Variants in CTNNA3 observed in about 807,000 individuals in gnomAD.
The protein encoded by CTNNA3 is catenin alpha-3.
In CTNNA3, 76 loss-of-function variants were observed where a neutral mutation model predicts 95.7. The observed-to-expected ratio is 0.79, with a 90% CI of 0.66 to 0.96. The LOEUF is 0.96. Among genes scored for constraint, CTNNA3 ranks in the 40% least tolerant of loss-of-function variants. CTNNA3 has a pLI of 0.00. For synonymous variants in CTNNA3, 431 were observed against 374.4 expected (o/e 1.15, Z -1.74); for missense variants, 1,191 against 1,089.8 (o/e 1.09, Z -1.31).
chr10:66,112,083 G>A (rs12356797), intron 13 of CTNNA3, among the ~76,000 whole-genome samples: 22,858 of 152,100 alleles, frequency 0.15, 2,151 homozygotes, highest in Middle Eastern at 0.22. Flanking sequence ...GTGAAGATTC[G>A]GTAAATCTGT....
At chr10:65,991,461 T>C (rs1463521881) in intron 15 of CTNNA3, among the ~76,000 whole-genome samples, 2 of 152,052 alleles carry the variant, frequency 1.3e-5, no homozygotes, top group African/African-American at 2.4e-5. Flanking sequence ...ATAGTTTTGT[T>C]TGTAGAGGTT....
At chr10:66,045,118 C>G (rs534641858) in intron 15 of CTNNA3, among the ~76,000 whole-genome samples, 3 of 152,170 alleles carry the variant, frequency 2.0e-5, no homozygotes, top group Non-Finnish European at 4.4e-5. Flanking sequence ...CAGAGATAAT[C>G]TGATGGGAGG....
intron 9 of CTNNA3, among the ~76,000 whole-genome samples, chr10:66,700,589 T>C (rs1045099425): frequency 4.6e-5 from 7 of 152,204 alleles, no homozygotes; most frequent in Admixed American, 2.0e-4. Flanking sequence ...TATTTTTCTT[T>C]CTCAAGATTG....
chr10:67,639,763 T>C (rs1157717100), intron 2 of CTNNA3, among the ~76,000 whole-genome samples: 1 of 152,128 alleles, frequency 6.6e-6, no homozygotes, highest in Non-Finnish European at 1.5e-5. Flanking sequence ...AACCACATGA[T>C]TATCTCAATA....
rs80188359 is a variant in CTNNA3 at position 67,581,909 on chromosome 10, C to A, written c.292+24948G>T. Among the ~76,000 whole-genome samples the A allele has an allele frequency of 5.9e-3, 891 of 152,090 alleles. 6 individuals are homozygous for A. The highest frequency in any genetic ancestry group is 0.021 in the African/African-American group (854 of 41,484). ...TTCTGTGGTATCAATGATGATATCCCCTTTATCATTTTTTATGCATCTATT... is the reference window on the plus strand; with the variant it reads ...TTCTGTGGTATCAATGATGATATCCACTTTATCATTTTTTATGCATCTATT... On this transcript the variant is annotated intron_variant, in intron 3 of 17. Transcript: ENST00000433211.
chr10:65,970,944 A>T (rs2078085000), intron 16 of CTNNA3, among the ~76,000 whole-genome samples: 1 of 151,334 alleles, frequency 6.6e-6, no homozygotes, highest in Non-Finnish European at 1.5e-5. Flanking sequence ...TCAACAACTC[A>T]CTAAAAGTGT....
At chr10:66,634,837 C>T (rs764425738) in intron 9 of CTNNA3, among the ~76,000 whole-genome samples, 5 of 152,016 alleles carry the variant, frequency 3.3e-5, no homozygotes, top group Non-Finnish European at 5.9e-5. Context: ...TCAGAATGTG[C>T]CATCACAAAA....
chr10:66,699,942 C>T (rs1286958311), intron 9 of CTNNA3, among the ~76,000 whole-genome samples: 15 of 152,074 alleles, frequency 9.9e-5, no homozygotes, highest in Admixed American at 9.8e-4. Flanking sequence ...CAGGTGTGAG[C>T]CACCACAGCT....
At chr10:67,628,185 C>A (rs1256600015) in intron 2 of CTNNA3, among the ~76,000 whole-genome samples, 3 of 146,656 alleles carry the variant, frequency 2.0e-5, no homozygotes, top group African/African-American at 7.5e-5. Flanking sequence ...CTCCTTTGAA[C>A]AAGATTTTCA....
chr10:66,901,836 A>T (rs1845760074), intron 7 of CTNNA3, among the ~76,000 whole-genome samples: 1 of 152,236 alleles, frequency 6.6e-6, no homozygotes, highest in Non-Finnish European at 1.5e-5. Flanking sequence ...AACTATGCTA[A>T]ATATGTATGC....
At chr10:67,724,505 C>T (rs1841197801) in intron 1 of CTNNA3, among the ~76,000 whole-genome samples, 1 of 152,098 alleles carries the variant, frequency 6.6e-6, no homozygotes, top group African/African-American at 2.4e-5. Flanking sequence ...CGGGTTTCCC[C>T]ACCCCAAGTG....
intron 12 of CTNNA3, among the ~76,000 whole-genome samples, chr10:66,315,278 A>G (rs546319007): frequency 1.6e-4 from 24 of 152,008 alleles, no homozygotes; most frequent in Non-Finnish European, 2.4e-4. Flanking sequence ...TCCTGGCCCC[A>G]CTTCATTATT....
intron 3 of CTNNA3, among the ~76,000 whole-genome samples, chr10:67,603,550 T>C (rs1057508679): frequency 1.3e-5 from 2 of 151,878 alleles, no homozygotes; most frequent in African/African-American, 4.8e-5. Context: ...TGTGTAGGCC[T>C]AGGCTAATGT....
chr10:67,695,708 A>G (rs1296787686), intron 1 of CTNNA3, among the ~76,000 whole-genome samples: 1 of 152,182 alleles, frequency 6.6e-6, no homozygotes, highest in Non-Finnish European at 1.5e-5. Flanking sequence ...CCTGCACAGT[A>G]TCCAATCGGC....
chr10:67,447,061 C>T (rs527823157), intron 5 of CTNNA3, among the ~76,000 whole-genome samples: 12 of 152,198 alleles, frequency 7.9e-5, no homozygotes, highest in East Asian at 5.8e-4. Flanking sequence ...GCTGAGACCG[C>T]GCCACTGCAC....
chr10:67,107,368 C>A (rs74233478), intron 7 of CTNNA3, among the ~76,000 whole-genome samples: 1 of 152,148 alleles, frequency 6.6e-6, no homozygotes, highest in Non-Finnish European at 1.5e-5. Context: ...GAATATTAAT[C>A]CTTTGTTTAA....
rs181842582 is a variant in CTNNA3 at position 67,116,564 on chromosome 10, G to T, written c.1047+63753C>A. Among the ~76,000 whole-genome samples, 392 of 151,606 alleles carry T rather than the reference G, an allele frequency of 2.6e-3. 2 individuals carry two copies. The highest frequency in any genetic ancestry group is 8.6e-3 in the African/African-American group (358 of 41,420). ...AAATAGCTCAGATATCTGTGAGGGA[G>T]TTTGGTTGAATTTGAGAGTCTGAGA... On this transcript the variant is annotated intron_variant, in intron 7 of 17. Coordinates refer to ENST00000433211, the MANE Select transcript of CTNNA3 (RefSeq NM_013266.4).
intron 7 of CTNNA3, among the ~76,000 whole-genome samples, chr10:66,867,908 AATTAAC>A (rs1249668323): frequency 6.6e-6 from 1 of 150,612 alleles, no homozygotes; most frequent in African/African-American, 2.5e-5. Flanking sequence ...AAAAAAAAAA[AATTAAC>A]TTAGTAGGAA....
intron 11 of CTNNA3, among the ~76,000 whole-genome samples, chr10:66,495,248 G>A (rs1000220984): frequency 8.6e-5 from 13 of 152,032 alleles, no homozygotes; most frequent in Admixed American, 4.6e-4. Flanking sequence ...ACATCCCACC[G>A]CCTTAGCAGC....
Sources: allele counts gnomAD v4.1 joint callset (sites outside exome capture counted in the v4.1 genomes callset), GRCh38; gene constraint gnomAD v4.1.1; transcripts MANE v1.5; gene names NCBI Gene and HGNC (gene_info 2026-07-23, HGNC 2026-07-21).